PAK1: variants seen among roughly 807,000 people sequenced by gnomAD.
The protein encoded by PAK1 is p21 (RAC1) activated kinase 1, also known as serine/threonine-protein kinase PAK 1.
A neutral mutation model predicts 67.4 loss-of-function variants in PAK1; 29 were observed. That is an observed-to-expected ratio of 0.43 (90% CI 0.32 to 0.59). The LOEUF (loss-of-function observed/expected upper bound fraction) is 0.59, where lower values mean the gene tolerates loss of function less well. Among genes scored for constraint, PAK1 ranks in the 20% least tolerant of loss-of-function variants. The pLI is 0.07. For missense variants in PAK1, 337 were observed against 670.7 expected, an observed-to-expected ratio of 0.50 and a Z score of 5.50; for synonymous variants, 223 against 237.4, an observed-to-expected ratio of 0.94 and a Z score of 0.56.
the PAK1 span, among the ~76,000 whole-genome samples, chr11:77,495,648 T>A: frequency 6.6e-6 from 1 of 152,132 alleles, no homozygotes; most frequent in South Asian, 2.1e-4. Flanking sequence ...CAAGTATCCA[T>A]GAAAGGATGG....
At chr11:77,453,371 T>A (rs568100976) in intron 1 of PAK1, among the ~76,000 whole-genome samples, 1 of 152,146 alleles carries the variant, frequency 6.6e-6, no homozygotes, top group Non-Finnish European at 1.5e-5. Flanking sequence ...AAAAAAAATT[T>A]TTTTGGAAAA....
At chr11:77,424,322 G>A (rs1245044354) in intron 1 of PAK1, among the ~76,000 whole-genome samples, 1 of 152,192 alleles carries the variant, frequency 6.6e-6, no homozygotes, top group Non-Finnish European at 1.5e-5. Flanking sequence ...TGGGCATATC[G>A]GATTGGTGAA....
chr11:77,508,451 G>A, the PAK1 span, among the ~76,000 whole-genome samples: 1 of 152,042 alleles, frequency 6.6e-6, no homozygotes, highest in African/African-American at 2.4e-5. Flanking sequence ...CCTAATTTGA[G>A]GTGTTTGTCA....
At chr11:77,495,183 T>G in the PAK1 span, among the ~76,000 whole-genome samples, 3 of 145,892 alleles carry the variant, frequency 2.1e-5, no homozygotes. Context: ...AATTTTTTTT[T>G]AAATTAGAGG....
chr11:77,419,530 T>C (rs1211947406), intron 1 of PAK1, among the ~76,000 whole-genome samples: 1 of 152,200 alleles, frequency 6.6e-6, no homozygotes, highest in Non-Finnish European at 1.5e-5. Context: ...AAATGATCAA[T>C]AATCATTCAA....
chr11:77,506,359 A>C, the PAK1 span, among the ~76,000 whole-genome samples: 65 of 152,326 alleles, frequency 4.3e-4, no homozygotes, highest in African/African-American at 1.6e-3. Flanking sequence ...AGGATTCAAA[A>C]AATTGCCCAA....
At chr11:77,433,609 C>T (rs1955967158) in intron 1 of PAK1, among the ~76,000 whole-genome samples, 2 of 152,100 alleles carry the variant, frequency 1.3e-5, no homozygotes, top group South Asian at 4.1e-4. Context: ...GAAACCCTGT[C>T]TCTACTAAAA....
intron 1 of PAK1, among the ~76,000 whole-genome samples, chr11:77,396,128 C>G (rs1196082100): frequency 6.6e-6 from 1 of 152,220 alleles, no homozygotes; most frequent in African/African-American, 2.4e-5. Context: ...ACAGGCTTTT[C>G]TCCATTTCTC....
intron 1 of PAK1, among the ~76,000 whole-genome samples, chr11:77,443,435 G>C (rs1005802831): frequency 6.6e-6 from 1 of 152,152 alleles, no homozygotes. Context: ...CAAATGGAAA[G>C]GCCTCTACTA....
At chr11:77,515,776 C>G in the PAK1 span, among the ~76,000 whole-genome samples, 9 of 152,246 alleles carry the variant, frequency 5.9e-5, no homozygotes, top group Non-Finnish European at 1.0e-4. Context: ...GTCTTACTCT[C>G]TCCTCAACTA....
At chr11:77,340,918 G>C (rs542354802) in intron 10 of PAK1, among the ~76,000 whole-genome samples, 155 bp from the exon 11 acceptor site, 7 of 152,254 alleles carry the variant, frequency 4.6e-5, no homozygotes, top group Non-Finnish European at 8.8e-5. Flanking sequence ...GCAGAATCTG[G>C]GGAACAGAAT....
intron 1 of PAK1, among the ~76,000 whole-genome samples, chr11:77,416,429 C>A (rs570149661): frequency 6.6e-6 from 1 of 152,266 alleles, no homozygotes; most frequent in South Asian, 2.1e-4. Context: ...TCTTTCACCT[C>A]TACATCTTGT....
the PAK1 span, among the ~76,000 whole-genome samples, chr11:77,510,531 C>T: frequency 6.6e-6 from 1 of 152,128 alleles, no homozygotes; most frequent in East Asian, 1.9e-4. Context: ...GTACACCGCA[C>T]CTGGCCAGCT....
At chr11:77,505,989 G>A in the PAK1 span, among the ~76,000 whole-genome samples, 1 of 152,156 alleles carries the variant, frequency 6.6e-6, no homozygotes, top group Non-Finnish European at 1.5e-5. Flanking sequence ...AGGTGGCAAG[G>A]GAGGAACATC....
At chr11:77,372,188 G>C (rs1380778940) in intron 5 of PAK1, among the ~76,000 whole-genome samples, 4 of 152,144 alleles carry the variant, frequency 2.6e-5, no homozygotes, top group Admixed American at 2.6e-4. Context: ...AAAGACATTT[G>C]AGCCACAAAG....
At chr11:77,405,793 G>T (rs1258356657) in intron 1 of PAK1, among the ~76,000 whole-genome samples, 1 of 151,414 alleles carries the variant, frequency 6.6e-6, no homozygotes, top group South Asian at 2.1e-4. Context: ...TCTCAGAACT[G>T]TCTACTTAAA....
intron 5 of PAK1, among the ~76,000 whole-genome samples, chr11:77,373,216 G>A (rs981507786): frequency 2.6e-5 from 4 of 152,082 alleles, no homozygotes; most frequent in African/African-American, 9.7e-5. Context: ...AACCACCTAT[G>A]TACAAGAGAC....
intron 1 of PAK1, among the ~76,000 whole-genome samples, chr11:77,469,681 AAG>A (rs1957759885): frequency 6.6e-6 from 1 of 151,018 alleles, no homozygotes; most frequent in South Asian, 2.1e-4. Flanking sequence ...AACATCTGTG[AAG>A]AGACTTTTTT....
intron 11 of PAK1, among the ~76,000 whole-genome samples, chr11:77,339,826 A>T (rs1023280931): frequency 1.6e-4 from 23 of 144,056 alleles, no homozygotes; most frequent in African/African-American, 4.3e-4. Context: ...TGGTTTTGGT[A>T]TTTTTTTTTT....
Sources: allele counts gnomAD v4.1 joint callset (sites outside exome capture counted in the v4.1 genomes callset), GRCh38; gene constraint gnomAD v4.1.1; transcripts MANE v1.5; gene names NCBI Gene and HGNC (gene_info 2026-07-23, HGNC 2026-07-21).